The following SCLY variants were observed in gnomAD, a reference collection of about 807,000 sequenced individuals.
SCLY encodes selenocysteine lyase.
A neutral mutation model predicts 50.1 loss-of-function variants in SCLY; 38 were observed. That is an observed-to-expected ratio of 0.76 (90% CI 0.59 to 0.99). The LOEUF is 0.99. Ranked by LOEUF, SCLY falls within the 50% of genes least tolerant of loss-of-function variation. The probability of loss-of-function intolerance (pLI) is 0.00; values close to 1 mark genes in which losing one functional copy is unlikely to be tolerated. For missense variants in SCLY, 600 were observed against 620.0 expected (o/e 0.97, Z 0.34); for synonymous variants, 243 against 249.4 (o/e 0.97, Z 0.24).
rs1691282318 is a variant in SCLY at position 238,098,313 on chromosome 2, G to A, written c.1296G>A (p.Gln432=). 6.2e-7 allele frequency: 1 copy of A among 1,607,390 alleles called. No homozygotes were observed. Residue 432 remains glutamine (Q), a synonymous_variant, in exon 12 of 12, where the codon CAG becomes CAA. Coordinates refer to ENST00000254663, the MANE Select transcript of SCLY (RefSeq NM_016510.7). ...TTRAEVDLVV[Q]DLKQAVAQLE... is the part of the protein sequence containing the mutation. ...GGGCCGAGGTGGACCTCGTCGTGCA[G>A]GACCTGAAGCAGGCCGTGGCGCAGC...
At chr2:238,061,453 G>C in intron 1 of SCLY, 1 of 479,848 alleles carries the variant, frequency 2.1e-6, no homozygotes, top group Non-Finnish European at 3.9e-6. Flanking sequence ...CGAAGGGCAG[G>C]GGACTTGCCG....
rs746621437 is a variant in SCLY at position 238,094,416 on chromosome 2, T to A, written c.1006-4T>A. 1 of 1,611,730 alleles carries A rather than the reference T, an allele frequency of 6.2e-7. No individual in the cohort carries two copies. The highest frequency in any genetic ancestry group is 1.3e-5 in the African/African-American group (1 of 74,966). On this transcript the variant is annotated splice_region_variant and splice_polypyrimidine_tract_variant and intron_variant, in intron 9 of 11. Transcript: ENST00000254663. ...TCACCAAATATTTCACTTATTTTTT[T>A]CAGGCTGAATTCGGTCAGAAGAGAA... is the stretch of plus-strand genomic sequence containing the variant.
chr2:238,076,294 G>T (rs908732376), intron 4 of SCLY, among the ~76,000 whole-genome samples: 3 of 152,096 alleles, frequency 2.0e-5, no homozygotes, highest in Non-Finnish European at 4.4e-5. Flanking sequence ...GTTTTGCCAT[G>T]TTGGCTGGGC....
rs1449101914 is a variant in SCLY at position 238,082,951 on chromosome 2, T to C, written c.778-297T>C. The C allele has an allele frequency of 8.1e-6, 3 of 371,076 alleles. No individual in the cohort carries two copies. In the East Asian group the frequency reaches 1.8e-4, roughly 22 times the overall value. The allele number at this position is 371,076 out of a possible 1,614,324, so 23.0% of individuals were successfully genotyped here. On this transcript the variant is annotated intron_variant, in intron 6 of 11. Transcript: ENST00000254663. ...TTTTTTTTTAAACCTGTGATTCATA[T>C]GATTTGAGATCCTTTTACAAATTCT...
At chr2:238,085,233 CAA>C (rs889058725) in intron 7 of SCLY, among the ~76,000 whole-genome samples, 2 of 151,882 alleles carry the variant, frequency 1.3e-5, no homozygotes, top group South Asian at 2.1e-4. Context: ...ACAAGTGAAA[CAA>C]AGTGTCAGCA....
intron 7 of SCLY, 103 bp from the exon 8 acceptor site, chr2:238,091,115 T>G: frequency 1.8e-6 from 2 of 1,081,298 alleles, no homozygotes; most frequent in Non-Finnish European, 2.9e-6. Context: ...TTAGGAAAGA[T>G]GTAGCGTGAG....
chr2:238,062,269 T>A (rs935148127), intron 1 of SCLY, among the ~76,000 whole-genome samples: 1 of 152,124 alleles, frequency 6.6e-6, no homozygotes, highest in Non-Finnish European at 1.5e-5. Context: ...GGATGCTTAT[T>A]TATAGGAAAG....
At chr2:238,091,057 G>A (rs1315354108) in intron 7 of SCLY, among the ~76,000 whole-genome samples, 161 bp from the exon 8 acceptor site, 1 of 152,240 alleles carries the variant, frequency 6.6e-6, no homozygotes, top group Non-Finnish European at 1.5e-5. Flanking sequence ...TGGCAGGGGA[G>A]GTTTCTGGGG....
chr2:238,091,545 TTCACCATTCCCA>T, intron 8 of SCLY: 14 of 344,180 alleles, frequency 4.1e-5, no homozygotes, highest in Admixed American at 1.4e-4. Flanking sequence ...AAGCTGCAGG[TTCACCATTCCCA>T]AAGGCGTCGG....
chr2:238,067,908 G>A lies in SCLY; in HGVS notation c.203-157G>A, dbSNP rs2065086483. Reference sequence around the variant, plus strand: ...CCGCCCCTTTGCCGGGTTGTGTCTAGGTTGTAGCATTTTGCTGTGCTCACA... The same window carrying A: ...CCGCCCCTTTGCCGGGTTGTGTCTAAGTTGTAGCATTTTGCTGTGCTCACA... On this transcript the variant is annotated intron_variant, in intron 2 of 11. Coordinates refer to ENST00000254663, the MANE Select transcript of SCLY (RefSeq NM_016510.7). The surrounding 1 kb of genome is among the most constrained non-coding windows in gnomAD (Gnocchi z 4.3). 6.6e-6 allele frequency among the ~76,000 whole-genome samples: 1 copy of A among 152,198 alleles called. No individual in the cohort carries two copies. Among genetic ancestry groups the A allele is most frequent in the Admixed American group, 6.5e-5 (1 of 15,278 alleles).
Position 238,067,026 on chromosome 2 carries a change from C to T in SCLY, c.203-1039C>T, listed in dbSNP as rs76807023. Among the ~76,000 whole-genome samples, 9,839 of 152,168 alleles carry T rather than the reference C, an allele frequency of 0.065. 337 individuals are homozygous for T. The highest frequency in any genetic ancestry group is 0.087 in the African/African-American group (3,617 of 41,528). On this transcript the variant is annotated intron_variant, in intron 2 of 11. Transcript: ENST00000254663. The surrounding 1 kb of genome is among the most constrained non-coding windows in gnomAD (Gnocchi z 4.3). Reference sequence around the variant, plus strand: ...CCGCCATGATTCAGTTACCTCCCACCGGGTCCCTCTGATGACGTGGGAATT... The same window carrying T: ...CCGCCATGATTCAGTTACCTCCCACTGGGTCCCTCTGATGACGTGGGAATT...
At chr2:238,091,081 T>G in intron 7 of SCLY, 137 bp from the exon 8 acceptor site, 30 of 804,518 alleles carry the variant, frequency 3.7e-5, no homozygotes, top group Non-Finnish European at 5.5e-5. Context: ...GCAGCTGCCA[T>G]TGAGATAGCC....
At chr2:238,085,283 T>C (rs1282941142) in intron 7 of SCLY, among the ~76,000 whole-genome samples, 4 of 151,102 alleles carry the variant, frequency 2.6e-5, no homozygotes, top group South Asian at 4.2e-4. Context: ...CAAATGGAAA[T>C]TGGAAATTGT....
chr2:238,061,171 A>T (rs1263036359), intron 1 of SCLY, 28 bp downstream of exon 1: 1 of 1,461,664 alleles, frequency 6.8e-7, no homozygotes, highest in Admixed American at 2.0e-5. Context: ...AGGGCTGGGG[A>T]GCGGCCGGCG....
At chr2:238,092,804 C>T (rs74404685) in intron 8 of SCLY, 49 of 153,320 alleles carry the variant, frequency 3.2e-4, no homozygotes, top group Non-Finnish European at 2.9e-4. Context: ...ATCCTGCACA[C>T]GCCCTCCCCA....
At position 238,082,127 on chromosome 2, in the gene SCLY, C is replaced by T. The variant is rs372090115; in HGVS notation, c.695C>T (p.Thr232Met). ...GGGCTACCTCCCATCCTCGTGCACA[C>T]GGATGCTGCACAGGCCTTGGGGAAG... is the stretch of plus-strand genomic sequence containing the variant. ...AAGLPPILVH[T>M]DAAQALGKQR... Residue 232 changes from threonine to methionine, a missense_variant, in exon 6 of 12, where the codon ACG becomes ATG. Transcript: ENST00000254663. The T allele has an allele frequency of 4.5e-5, 72 of 1,613,224 alleles. No homozygotes were observed. Among genetic ancestry groups the T allele is most frequent in the Admixed American group, 1.8e-4 (11 of 60,024 alleles).
chr2:238,076,098 G>GT (rs2065170984), intron 4 of SCLY, among the ~76,000 whole-genome samples: 1 of 111,188 alleles, frequency 9.0e-6, no homozygotes. Context: ...GTTATGATTT[G>GT]TATTTTTTTT....
At position 238,094,428 on chromosome 2, in the gene SCLY, C is replaced by T. The variant is rs149428035; in HGVS notation, c.1014C>T (p.Phe338=). ...DYLEERLEAE[F]GQKRIHLNSQ... ...TCACTTATTTTTTTCAGGCTGAATT[C>T]GGTCAGAAGAGAATCCATCTGAATA... The change falls in exon 10 of 12, where the codon TTC becomes TTT. Residue 338 remains phenylalanine, a synonymous_variant. Coordinates refer to ENST00000254663, the MANE Select transcript of SCLY (RefSeq NM_016510.7). 6.1e-5 allele frequency: 99 copies of T among 1,612,506 alleles called. No homozygotes were observed. The highest frequency in any genetic ancestry group is 7.5e-5 in the Non-Finnish European group (88 of 1,179,088).
chr2:238,093,820 T>G, intron 8 of SCLY, 41 bp from the exon 9 acceptor site: 1 of 1,582,916 alleles, frequency 6.3e-7, no homozygotes, highest in Non-Finnish European at 8.6e-7. Context: ...TCCTTTATTT[T>G]GCAAGAATTG....
Sources: gnomAD v4.1 joint callset for allele counts (sites outside exome capture counted in the v4.1 genomes callset) on GRCh38, gnomAD v4.1.1 for gene constraint, Gnocchi (gnomAD v3.1) non-coding constraint, MANE v1.5 for transcripts, NCBI Gene and HGNC (gene_info 2026-07-23, HGNC 2026-07-21) for gene names.